The following VPS13C variants were observed in gnomAD, a reference collection of about 807,000 sequenced individuals.
VPS13C encodes intermembrane lipid transfer protein VPS13C.
A neutral mutation model predicts 456.8 loss-of-function variants in VPS13C; 358 were observed. The ratio of observed to expected loss-of-function variants is 0.78; its 90% confidence interval spans 0.72 to 0.86. The LOEUF (loss-of-function observed/expected upper bound fraction) is 0.86, where lower values mean the gene tolerates loss of function less well. VPS13C is among the 40% of genes least tolerant of loss of function. The pLI, the probability that VPS13C is intolerant of heterozygous loss-of-function variation, is 0.00. For synonymous variants in VPS13C, 1,578 were observed against 1,486.7 expected, an observed-to-expected ratio of 1.06 and a Z score of -1.41; for missense variants, 4,818 against 4,385.4, an observed-to-expected ratio of 1.10 and a Z score of -2.79.
intron 3 of VPS13C, among the ~76,000 whole-genome samples, chr15:62,037,565 G>C (rs1255429375): frequency 7.8e-6 from 1 of 128,272 alleles, no homozygotes; most frequent in African/African-American, 2.7e-5. Flanking sequence ...ATTGATCTAA[G>C]ACACTGGAAA....
At chr15:61,882,934 C>T (rs570821246) in intron 68 of VPS13C, among the ~76,000 whole-genome samples, 198 bp from the exon 69 acceptor site, 6 of 152,110 alleles carry the variant, frequency 3.9e-5, no homozygotes, top group African/African-American at 9.6e-5. Context: ...AAAAAAAGAT[C>T]GTGAAACTTT....
chr15:61,875,911 GA>G (rs565054673), intron 75 of VPS13C, 66 bp from the exon 76 acceptor site: 3 of 1,070,666 alleles, frequency 2.8e-6, no homozygotes, highest in Non-Finnish European at 4.0e-6. Context: ...TAATGAAATA[GA>G]AAAAAAGAGA....
intron 51 of VPS13C, 55 bp from the exon 52 acceptor site, chr15:61,927,375 A>T: frequency 7.3e-7 from 1 of 1,369,152 alleles, no homozygotes; most frequent in South Asian, 1.3e-5. Flanking sequence ...TTTTCATTTG[A>T]CTACATGTTA....
chr15:61,925,651 G>C, intron 52 of VPS13C, 103 bp from the exon 53 acceptor site: 1 of 779,876 alleles, frequency 1.3e-6, no homozygotes, highest in South Asian at 4.0e-5. Flanking sequence ...TTTAACTACA[G>C]CCTGCTATTA....
At chr15:61,974,478 T>C (rs2045647334) in intron 24 of VPS13C, 61 bp from the exon 25 acceptor site, 5 of 1,554,672 alleles carry the variant, frequency 3.2e-6, no homozygotes, top group African/African-American at 2.7e-5. Context: ...AGGGAAAGAA[T>C]TGCATTAATG....
At chr15:61,945,651 T>C (rs2044578992) in intron 45 of VPS13C, 64 bp downstream of exon 45, 1 of 1,345,180 alleles carries the variant, frequency 7.4e-7, no homozygotes. Context: ...ACTATCTAGG[T>C]TCAGTTGTAT....
chr15:61,913,263 T>C (rs778006900), intron 62 of VPS13C, 48 bp downstream of exon 62: 19 of 1,536,728 alleles, frequency 1.2e-5, no homozygotes, highest in Non-Finnish European at 1.6e-5. Context: ...TGTTGAACTG[T>C]AGCAAAGGTG....
At chr15:61,970,306 A>G (rs1422272973) in intron 27 of VPS13C, among the ~76,000 whole-genome samples, 1 of 152,176 alleles carries the variant, frequency 6.6e-6, no homozygotes, top group Admixed American at 6.5e-5. Flanking sequence ...ATGAAAGACT[A>G]TGCACAAAAT....
Position 62,048,124 on chromosome 15 carries a change from CTTTAAG to C in VPS13C, c.101-3875_101-3870del, listed in dbSNP as rs1276093342. ...CTTTTTTTATTTTATTATTATTATA[CTTTAAG>C]TTTTAGGGTACATGTGCACAATGTG... On this transcript the variant is annotated intron_variant, in intron 1 of 84. Transcript: ENST00000644861. Among the ~76,000 whole-genome samples the C allele has an allele frequency of 2.8e-4, 40 of 140,654 alleles. 1 individual carries two copies. The highest frequency in any genetic ancestry group is 2.8e-3 in the Admixed American group (39 of 13,770). The allele number at this position is 140,654 out of a possible 152,430, so 92.3% of individuals were successfully genotyped here. A position where few individuals can be genotyped will look rare whatever the true frequency, so the allele number is the denominator to read the frequency against.
chr15:62,008,401 A>AC (rs899464648), intron 14 of VPS13C, among the ~76,000 whole-genome samples: 3 of 152,034 alleles, frequency 2.0e-5, no homozygotes, highest in Non-Finnish European at 4.4e-5. Context: ...TCTATCTCAA[A>AC]AAAAAAAAGA....
At chr15:61,872,061 T>G in intron 78 of VPS13C, 27 bp from the exon 79 acceptor site, 1 of 1,604,800 alleles carries the variant, frequency 6.2e-7, no homozygotes, top group Non-Finnish European at 8.5e-7. Flanking sequence ...TCATATAGTT[T>G]AGACTGAATG....
intron 3 of VPS13C, among the ~76,000 whole-genome samples, chr15:62,039,272 T>C (rs1214658939): frequency 6.6e-6 from 1 of 152,146 alleles, no homozygotes; most frequent in Non-Finnish European, 1.5e-5. Context: ...AATGAAATCA[T>C]GTCCCCTACA....
chr15:61,991,953 A>C, intron 16 of VPS13C, 151 bp from the exon 17 acceptor site: 2 of 839,790 alleles, frequency 2.4e-6, no homozygotes, highest in Non-Finnish European at 3.5e-6. Context: ...CTCACAACAT[A>C]ATTTAGTTAA....
At chr15:61,895,352 A>G (rs1295900643) in intron 66 of VPS13C, among the ~76,000 whole-genome samples, 2 of 152,146 alleles carry the variant, frequency 1.3e-5, no homozygotes, top group Non-Finnish European at 2.9e-5. Flanking sequence ...AGGAAAAAAT[A>G]ATAAAGATCA....
chr15:61,953,710 T>C (rs1326807172), intron 38 of VPS13C, among the ~76,000 whole-genome samples: 4 of 152,152 alleles, frequency 2.6e-5, no homozygotes, highest in African/African-American at 9.7e-5. Context: ...CATGTGCATG[T>C]GTCTTTATAG....
At chr15:61,889,596 T>C (rs1472128229) in intron 67 of VPS13C, among the ~76,000 whole-genome samples, 2 of 152,214 alleles carry the variant, frequency 1.3e-5, no homozygotes, top group Non-Finnish European at 1.5e-5. Flanking sequence ...ATTTTTCTTA[T>C]ACAGGTATAA....
chr15:61,903,264 A>C (rs1648790792), intron 66 of VPS13C, among the ~76,000 whole-genome samples: 1 of 151,664 alleles, frequency 6.6e-6, no homozygotes, highest in East Asian at 2.0e-4. Context: ...TGAGCCTGGG[A>C]GGTTGAGGCT....
At chr15:61,877,424 T>C (rs1353876212) in intron 74 of VPS13C, among the ~76,000 whole-genome samples, 2 of 151,934 alleles carry the variant, frequency 1.3e-5, no homozygotes, top group Admixed American at 6.6e-5. Context: ...TATTTCTCTA[T>C]GTTATTTAAA....
intron 76 of VPS13C, 85 bp downstream of exon 76, chr15:61,875,647 T>C: frequency 2.2e-6 from 2 of 911,680 alleles, no homozygotes; most frequent in Middle Eastern, 3.0e-4. Flanking sequence ...CAAGATACAA[T>C]TACAATGCAA....
Sources: gnomAD v4.1 joint callset for allele counts (sites outside exome capture counted in the v4.1 genomes callset) on GRCh38, gnomAD v4.1.1 for gene constraint, MANE v1.5 for transcripts, NCBI Gene and HGNC (gene_info 2026-07-23, HGNC 2026-07-21) for gene names.